The following PCBP3 variants were observed in gnomAD, a reference collection of about 807,000 sequenced individuals.
PCBP3 encodes the protein poly(rC) binding protein 3.
Under a neutral mutation model 52.7 loss-of-function variants are expected in PCBP3, and 25 were observed. The observed-to-expected ratio is 0.47, with a 90% CI of 0.35 to 0.66. The LOEUF (loss-of-function observed/expected upper bound fraction) is 0.66, where lower values mean the gene tolerates loss of function less well. Among genes scored for constraint, PCBP3 ranks in the 30% least tolerant of loss-of-function variants. The pLI, the probability that PCBP3 is intolerant of heterozygous loss-of-function variation, is 0.01. For missense variants in PCBP3, 391 were observed against 490.3 expected (o/e 0.80, Z 1.91); for synonymous variants, 162 against 183.0 (o/e 0.89, Z 0.93).
intron 12 of PCBP3, chr21:45,915,197 C>A (rs2073176501): frequency 6.6e-6 from 1 of 152,246 alleles, no homozygotes; most frequent in South Asian, 2.1e-4. Flanking sequence ...GCATGGCACA[C>A]CCCCATTTTA....
At position 45,791,765 on chromosome 21, in the gene PCBP3, C is replaced by T. The variant is rs2091599150; in HGVS notation, c.-126+36313C>T. 6.6e-6 allele frequency among the ~76,000 whole-genome samples: 1 copy of T among 152,246 alleles called. No individual in the cohort carries two copies. The highest frequency in any genetic ancestry group is 2.4e-5 in the African/African-American group (1 of 41,472). On this transcript the variant is annotated intron_variant, in intron 4 of 17. Coordinates refer to ENST00000681687, the MANE Select transcript of PCBP3 (RefSeq NM_001384156.1). This position sits in a 1 kb window ranked among gnomAD's most constrained non-coding sequence, Gnocchi z 4.2. ...ACTGCCAACCGCTTGACTGACTGCA[C>T]AGCAAGTGTTAGGTCGTGGCACAGG... is the stretch of plus-strand genomic sequence containing the variant.
chr21:45,730,388 A>G (rs982989300), intron 2 of PCBP3, among the ~76,000 whole-genome samples: 1 of 152,034 alleles, frequency 6.6e-6, no homozygotes, highest in African/African-American at 2.4e-5. Flanking sequence ...ATTTAATTCC[A>G]TTGTGGTCAG....
intron 4 of PCBP3, among the ~76,000 whole-genome samples, chr21:45,796,612 A>G (rs1448878874): frequency 6.6e-6 from 1 of 151,554 alleles, no homozygotes; most frequent in Non-Finnish European, 1.5e-5. Context: ...ATTCCCACAT[A>G]TTTTCTAGTT....
chr21:45,900,878 G>C, intron 8 of PCBP3, 119 bp from the exon 9 acceptor site: 1 of 759,654 alleles, frequency 1.3e-6, no homozygotes, highest in Non-Finnish European at 2.4e-6. Context: ...GTTCATTCAT[G>C]GTTTCCGTCA....
rs190637800 is a variant in PCBP3, at chr21:45,830,474, G to C, written c.-125-19487G>C. 1 of 152,966 alleles carries C rather than the reference G, an allele frequency of 6.5e-6. No individual in the cohort carries two copies. The highest frequency in any genetic ancestry group is 1.9e-4 in the East Asian group (1 of 5,186). The allele number at this position is 152,966 out of a possible 1,614,324, so 9.5% of individuals were successfully genotyped here. ...ACTATGGACAGCAGGCTCGCTGGGA[G>C]AGCAGGGTGGAGTGAGGCCACTGAC... On this transcript the variant is annotated intron_variant, in intron 4 of 17. Coordinates refer to ENST00000681687, the MANE Select transcript of PCBP3 (RefSeq NM_001384156.1). This position sits in a 1 kb window ranked among gnomAD's most constrained non-coding sequence, Gnocchi z 4.4.
In PCBP3 at chr21:45,719,482, G is replaced by A. The variant is rs188726113; in HGVS notation, c.-199-15910G>A. ...CCTCACTCAGATCTCATCTTGAATTGTAATCTCCATTACCCAAAATCCACA... is the reference window on the plus strand; with the variant it reads ...CCTCACTCAGATCTCATCTTGAATTATAATCTCCATTACCCAAAATCCACA... On this transcript the variant is annotated intron_variant, in intron 2 of 17. Transcript: ENST00000681687. 9.2e-5 allele frequency among the ~76,000 whole-genome samples: 14 copies of A among 152,260 alleles called. No individual in the cohort carries two copies. The East Asian group carries it at 2.7e-3, about 29-fold the overall frequency.
chr21:45,914,477 C>A, intron 12 of PCBP3: 1 of 277,614 alleles, frequency 3.6e-6, no homozygotes, highest in Non-Finnish European at 6.7e-6. Context: ...GAGCTCTGCA[C>A]TGAGGAAGGA....
intron 9 of PCBP3, among the ~76,000 whole-genome samples, chr21:45,908,865 T>C (rs2096270955): frequency 6.6e-6 from 1 of 152,014 alleles, no homozygotes; most frequent in South Asian, 2.1e-4. Flanking sequence ...GCTTCTACAT[T>C]AACCACACAT....
chr21:45,669,827 A>G (rs1362926081), intron 2 of PCBP3, among the ~76,000 whole-genome samples: 2 of 129,226 alleles, frequency 1.5e-5, no homozygotes, highest in African/African-American at 2.7e-5. Flanking sequence ...ATATATATAT[A>G]TATATATATA....
At chr21:45,764,975 G>A (rs529367421) in intron 4 of PCBP3, among the ~76,000 whole-genome samples, 7 of 152,346 alleles carry the variant, frequency 4.6e-5, no homozygotes, top group African/African-American at 4.8e-5. Context: ...TCGAGGCCCC[G>A]GGTGGGCCAT....
chr21:45,821,149 A>C lies in PCBP3; in HGVS notation c.-125-28812A>C, dbSNP rs1402393295. On this transcript the variant is annotated intron_variant, in intron 4 of 17. Coordinates refer to ENST00000681687, the MANE Select transcript of PCBP3 (RefSeq NM_001384156.1). This position sits in a 1 kb window ranked among gnomAD's most constrained non-coding sequence, Gnocchi z 4.4. ...CCTTTCTTGAGAACAGCATCTTTCA[A>C]CTCTTGACCTGCTCCCCCTTCCCGG... Among the ~76,000 whole-genome samples, 1 of 151,816 alleles carries C rather than the reference A, an allele frequency of 6.6e-6. No homozygotes were observed. The highest frequency in any genetic ancestry group is 2.1e-4 in the South Asian group (1 of 4,808).
rs1033309887 is a variant in PCBP3 at position 45,853,159 on chromosome 21, C to G, written c.10+3064C>G. ...GCCTGCTGTGACCTGGCATGCTGTC[C>G]TGCATCTCTGTGGTGACAAAATCTC... On this transcript the variant is annotated intron_variant, in intron 5 of 17. Transcript: ENST00000681687. This position sits in a 1 kb window ranked among gnomAD's most constrained non-coding sequence, Gnocchi z 4.6. Among the ~76,000 whole-genome samples the G allele has an allele frequency of 1.4e-4, 21 of 152,192 alleles. No homozygotes were observed. Among genetic ancestry groups the G allele is most frequent in the African/African-American group, 5.1e-4 (21 of 41,444 alleles).
At chr21:45,739,539 C>T (rs1203596055) in intron 3 of PCBP3, among the ~76,000 whole-genome samples, 5 of 146,560 alleles carry the variant, frequency 3.4e-5, no homozygotes, top group South Asian at 2.2e-4. Context: ...CTGGGTGGCC[C>T]CTCCCTTCTT....
In PCBP3 at chr21:45,671,904, G is replaced by A. The variant is rs561202886; in HGVS notation, c.-200+2952G>A. On this transcript the variant is annotated intron_variant, in intron 2 of 17. Transcript: ENST00000681687. ...TCTTTCACCTTCTATTCTGGGAGTG[G>A]GGGCAGGAGAAACTGGTCTGTTGTC... 4.6e-5 allele frequency among the ~76,000 whole-genome samples: 7 copies of A among 152,182 alleles called. No individual in the cohort carries two copies. In the East Asian group the frequency reaches 5.8e-4, roughly 13 times the overall value.
intron 2 of PCBP3, among the ~76,000 whole-genome samples, chr21:45,727,493 C>G (rs2085138429): frequency 6.6e-6 from 1 of 152,178 alleles, no homozygotes; most frequent in African/African-American, 2.4e-5. Context: ...ATGGGAAGCA[C>G]CGGGTAGGTC....
chr21:45,901,714 A>AGG, intron 9 of PCBP3: 1 of 131,518 alleles, frequency 7.6e-6, no homozygotes, highest in Admixed American at 6.8e-5. Context: ...AGGAAGACAG[A>AGG]GAGAGAGAGA....
chr21:45,677,570 C>T (rs528318447), intron 2 of PCBP3, among the ~76,000 whole-genome samples: 2 of 152,316 alleles, frequency 1.3e-5, no homozygotes, highest in East Asian at 3.9e-4. Context: ...TCAATGTAGA[C>T]AAAATAGCCT....
chr21:45,807,258 G>A (rs934554029), intron 4 of PCBP3, among the ~76,000 whole-genome samples: 2 of 152,204 alleles, frequency 1.3e-5, no homozygotes, highest in African/African-American at 4.8e-5. Flanking sequence ...GTCTCTGTTT[G>A]CAGATGACAT....
intron 5 of PCBP3, among the ~76,000 whole-genome samples, chr21:45,864,383 CT>C (rs1272599072): frequency 6.6e-6 from 1 of 152,186 alleles, no homozygotes; most frequent in African/African-American, 2.4e-5. Context: ...TTCTCTTAAC[CT>C]CAGGAAGGCC....
Sources: gnomAD v4.1 joint callset for allele counts (sites outside exome capture counted in the v4.1 genomes callset) on GRCh38, gnomAD v4.1.1 for gene constraint, Gnocchi (gnomAD v3.1) non-coding constraint, MANE v1.5 for transcripts, NCBI Gene and HGNC (gene_info 2026-07-23, HGNC 2026-07-21) for gene names.